The following ITPR2 variants were observed in gnomAD, a reference collection of about 807,000 sequenced individuals.
ITPR2 encodes the protein inositol 1,4,5-trisphosphate-gated calcium channel ITPR2.
A neutral mutation model predicts 317.1 loss-of-function variants in ITPR2; 207 were observed. That is an observed-to-expected ratio of 0.65 (90% CI 0.58 to 0.73). ITPR2 has a LOEUF of 0.73. ITPR2 is among the 30% of genes least tolerant of loss of function. The pLI, the probability that ITPR2 is intolerant of heterozygous loss-of-function variation, is 0.00. For missense variants in ITPR2, 2,613 were observed against 3,284.0 expected (o/e 0.80, Z 4.99); for synonymous variants, 1,156 against 1,149.1 (o/e 1.01, Z -0.12).
At chr12:26,593,739 T>TTGG (rs1555163251) in intron 32 of ITPR2, among the ~76,000 whole-genome samples, 4 of 147,540 alleles carry the variant, frequency 2.7e-5, no homozygotes, top group Non-Finnish European at 5.9e-5. Context: ...ATTTTTTTGT[T>TTGG]TTTTTTTTTG....
intron 39 of ITPR2, among the ~76,000 whole-genome samples, chr12:26,490,021 A>G (rs974140695): frequency 6.6e-6 from 1 of 152,236 alleles, no homozygotes; most frequent in African/African-American, 2.4e-5. Context: ...AATGTGAGAC[A>G]TCCGAGTAGA....
intron 45 of ITPR2, among the ~76,000 whole-genome samples, chr12:26,461,296 A>C (rs999384163): frequency 2.0e-5 from 3 of 152,196 alleles, no homozygotes; most frequent in African/African-American, 7.2e-5. Flanking sequence ...GATATGGGAC[A>C]CAGGCAACTT....
chr12:26,759,025 A>T (rs1185436670), intron 2 of ITPR2, among the ~76,000 whole-genome samples: 1 of 152,220 alleles, frequency 6.6e-6, no homozygotes, highest in African/African-American at 2.4e-5. Flanking sequence ...AAGCAGAAAC[A>T]GTACCCATAT....
chr12:26,382,000 C>A (rs1573994), intron 55 of ITPR2, among the ~76,000 whole-genome samples: 47,917 of 152,006 alleles, frequency 0.32, 8,068 homozygotes, highest in East Asian at 0.42. Flanking sequence ...GGTATTTTTT[C>A]TAATGATGTC....
Position 26,706,312 on chromosome 12 carries a change from A to G in ITPR2, c.951+4861T>C, listed in dbSNP as rs376006404. ...AGTGGTCTTCTTTAATCACAAATCT[A>G]TTTATTATACTCCTCTGTACTTTAA... On this transcript the variant is annotated intron_variant, in intron 9 of 56. Transcript: ENST00000381340. Among the ~76,000 whole-genome samples the G allele has an allele frequency of 4.5e-4, 69 of 152,238 alleles. 1 individual carries two copies. Among genetic ancestry groups the G allele is most frequent in the African/African-American group, 1.7e-3 (69 of 41,528 alleles).
chr12:26,598,305 G>A (rs2136732892), intron 30 of ITPR2, among the ~76,000 whole-genome samples: 1 of 152,284 alleles, frequency 6.6e-6, no homozygotes, highest in African/African-American at 2.4e-5. Flanking sequence ...CTAAGTGGCA[G>A]GAGGGACTCC....
chr12:26,379,681 G>C (rs1163506257), intron 55 of ITPR2, among the ~76,000 whole-genome samples: 2 of 152,078 alleles, frequency 1.3e-5, no homozygotes, highest in Non-Finnish European at 2.9e-5. Context: ...ACAACTGAAG[G>C]GTTAATGCCT....
At chr12:26,800,687 C>T (rs972229794) in intron 1 of ITPR2, among the ~76,000 whole-genome samples, 1 of 152,126 alleles carries the variant, frequency 6.6e-6, no homozygotes, top group Non-Finnish European at 1.5e-5. Context: ...GACAGTAAAT[C>T]AGACACAGCT....
At chr12:26,353,363 A>G (rs1044803073) in intron 55 of ITPR2, among the ~76,000 whole-genome samples, 4 of 152,218 alleles carry the variant, frequency 2.6e-5, no homozygotes, top group African/African-American at 9.6e-5. Flanking sequence ...AAACAAAACA[A>G]AAAGGCAGTT....
rs370457729 is a variant in ITPR2 at position 26,659,829 on chromosome 12, A to G, written c.1714-544T>C. On this transcript the variant is annotated intron_variant, in intron 15 of 56. Transcript: ENST00000381340. ...ATCTGGGTTGTTACCTGAAGATCCT[A>G]GATGGACTTGGATTGATTCCTTTTC... Among the ~76,000 whole-genome samples, 3 of 152,256 alleles carry G rather than the reference A, an allele frequency of 2.0e-5. No individual in the cohort carries two copies. The East Asian group carries it at 5.8e-4, about 29-fold the overall frequency.
chr12:26,490,639 C>G (rs1942778608), intron 39 of ITPR2, among the ~76,000 whole-genome samples: 1 of 152,148 alleles, frequency 6.6e-6, no homozygotes, highest in South Asian at 2.1e-4. Context: ...GGATGAAACC[C>G]TGTCTCTACT....
At chr12:26,420,573 G>C (rs1940858834) in intron 49 of ITPR2, among the ~76,000 whole-genome samples, 1 of 151,952 alleles carries the variant, frequency 6.6e-6, no homozygotes, top group African/African-American at 2.4e-5. Flanking sequence ...AACTAAAAAG[G>C]CCAAACCTTT....
chr12:26,574,788 T>TG (rs1335638708), intron 34 of ITPR2, among the ~76,000 whole-genome samples: 2 of 152,208 alleles, frequency 1.3e-5, no homozygotes, highest in African/African-American at 4.8e-5. Context: ...CGGGGTCATG[T>TG]GGCGAGGGCA....
At chr12:26,618,660 A>C (rs1454705032) in intron 26 of ITPR2, among the ~76,000 whole-genome samples, 1 of 152,152 alleles carries the variant, frequency 6.6e-6, no homozygotes, top group African/African-American at 2.4e-5. Flanking sequence ...ATCCCAAAAA[A>C]TCTCCCAAAC....
intron 37 of ITPR2, among the ~76,000 whole-genome samples, chr12:26,516,261 GGAAA>G (rs1565574463): frequency 2.1e-4 from 10 of 46,518 alleles, no homozygotes; most frequent in South Asian, 1.0e-3. Flanking sequence ...GGAAAGGAAA[GGAAA>G]GGAAAGGAAG....
At chr12:26,734,971 T>C (rs12817361) in intron 2 of ITPR2, among the ~76,000 whole-genome samples, 67,076 of 149,694 alleles carry the variant, frequency 0.45, 15,771 homozygotes, top group Non-Finnish European at 0.52. Context: ...TAACAAACTG[T>C]AATTGTGTAA....
intron 5 of ITPR2, among the ~76,000 whole-genome samples, chr12:26,718,498 T>A (rs937220732): frequency 7.5e-5 from 11 of 146,874 alleles, no homozygotes; most frequent in Non-Finnish European, 1.5e-4. Context: ...ATACCACCCA[T>A]AAAACTGTAT....
intron 37 of ITPR2, among the ~76,000 whole-genome samples, chr12:26,543,603 G>A (rs1439583611): frequency 6.6e-6 from 1 of 152,052 alleles, no homozygotes; most frequent in Non-Finnish European, 1.5e-5. Flanking sequence ...GTGAAACCCT[G>A]TTTCTACTAA....
chr12:26,811,084 C>T (rs1417385506), intron 1 of ITPR2, among the ~76,000 whole-genome samples: 1 of 150,772 alleles, frequency 6.6e-6, no homozygotes, highest in East Asian at 1.9e-4. Context: ...TAATGACACT[C>T]CAAATATCAT....
Sources: gnomAD v4.1 joint callset for allele counts (sites outside exome capture counted in the v4.1 genomes callset) on GRCh38, gnomAD v4.1.1 for gene constraint, MANE v1.5 for transcripts, NCBI Gene and HGNC (gene_info 2026-07-23, HGNC 2026-07-21) for gene names.